CDKL5: variants seen among roughly 807,000 people sequenced by gnomAD.
The protein encoded by CDKL5 is cyclin dependent kinase like 5, also known as cyclin-dependent kinase-like 5.
A neutral mutation model predicts 61.7 loss-of-function variants in CDKL5; 8 were observed. That is an observed-to-expected ratio of 0.13 (90% CI 0.08 to 0.23). The LOEUF is 0.23. CDKL5 is among the 10% of genes least tolerant of loss of function. The pLI is 1.00. For synonymous variants in CDKL5, 275 were observed against 272.3 expected, an observed-to-expected ratio of 1.01 and a Z score of -0.10; for missense variants, 440 against 734.5, an observed-to-expected ratio of 0.60 and a Z score of 4.63.
At chrX:18,599,549 G>T (rs1056117126) in intron 11 of CDKL5, among the ~76,000 whole-genome samples, 1 of 111,883 alleles carries the variant, frequency 8.9e-6, no homozygotes, top group Non-Finnish European at 1.9e-5. Flanking sequence ...GAACTCCCAG[G>T]CTCAAGCCTC....
intron 8 of CDKL5, 87 bp from the exon 9 acceptor site, chrX:18,587,867 C>A: frequency 1.2e-6 from 1 of 852,337 alleles, no homozygotes; most frequent in Non-Finnish European, 1.8e-6. Flanking sequence ...AAGTGTGCTG[C>A]ACATAAATTT....
chrX:18,428,802 ATTCT>A (rs1461844069), intron 1 of CDKL5, among the ~76,000 whole-genome samples: 3 of 109,361 alleles, frequency 2.7e-5, no homozygotes, highest in Admixed American at 9.9e-5. Context: ...AATCTCACAG[ATTCT>A]TTATCATCTG....
intron 1 of CDKL5, among the ~76,000 whole-genome samples, chrX:18,467,972 A>G (rs1920977899): frequency 8.9e-6 from 1 of 111,952 alleles, no homozygotes; most frequent in African/African-American, 3.2e-5. Flanking sequence ...TTAGAAACTA[A>G]TGTTAAGTGA....
chrX:18,632,934 A>G lies in CDKL5; in HGVS notation c.*4177A>G. 1 of 753,624 alleles carries G rather than the reference A, an allele frequency of 1.3e-6. No individual in the cohort carries two copies. The allele number at this position is 753,624 out of a possible 1,213,427, so 62.1% of individuals were successfully genotyped here. ...ATTATTGAGAATGACTCATAGTACA[A>G]CTTTTTTTCAAAGGCCAGAGGATTA... On this transcript the variant is annotated 3_prime_UTR_variant, in exon 18 of 18. Transcript: ENST00000623535.
chrX:18,534,763 T>A (rs149056845), intron 3 of CDKL5, among the ~76,000 whole-genome samples: 198 of 112,312 alleles, frequency 1.8e-3, no homozygotes, highest in Middle Eastern at 4.6e-3. Context: ...ACCTTTAGAT[T>A]TGTCTATTTT....
intron 8 of CDKL5, among the ~76,000 whole-genome samples, chrX:18,584,576 A>C (rs1569214958): frequency 8.9e-6 from 1 of 111,852 alleles, no homozygotes; most frequent in Admixed American, 9.5e-5. Flanking sequence ...GTTCAGCTGG[A>C]TGGTTCTTCT....
At chrX:18,648,275 G>T (rs912108554) in intron 20 of CDKL5, among the ~76,000 whole-genome samples, 1 of 108,791 alleles carries the variant, frequency 9.2e-6, no homozygotes, top group Non-Finnish European at 1.9e-5. Flanking sequence ...ACAGGGTCTC[G>T]CCCTGTCCTA....
At chrX:18,536,283 A>G (rs768758872) in intron 3 of CDKL5, among the ~76,000 whole-genome samples, 62 of 110,879 alleles carry the variant, frequency 5.6e-4, no homozygotes, top group African/African-American at 1.9e-3. Context: ...ACACAAAGAC[A>G]TTAGACTACC....
At chrX:18,606,042 G>A (rs1363826400) in intron 12 of CDKL5, among the ~76,000 whole-genome samples, 2 of 111,439 alleles carry the variant, frequency 1.8e-5, no homozygotes, top group Non-Finnish European at 3.8e-5. Flanking sequence ...TTGGCTGGGC[G>A]TGGTGGCGTG....
chrX:18,652,824 G>T (rs972691661), intron 21 of CDKL5, among the ~76,000 whole-genome samples: 15 of 112,377 alleles, frequency 1.3e-4, no homozygotes, highest in African/African-American at 4.5e-4. Flanking sequence ...GGCTCAAATG[G>T]CTCTTCTGAG....
At chrX:18,481,042 A>G (rs1456749104) in intron 1 of CDKL5, among the ~76,000 whole-genome samples, 1 of 108,196 alleles carries the variant, frequency 9.2e-6, no homozygotes, top group Non-Finnish European at 1.9e-5. Context: ...TATTTTTAAT[A>G]GAGATGGGGT....
chrX:18,447,939 A>G (rs751873658), intron 1 of CDKL5, among the ~76,000 whole-genome samples: 1 of 109,911 alleles, frequency 9.1e-6, no homozygotes, highest in Non-Finnish European at 1.9e-5. Flanking sequence ...CCCTGTAAAA[A>G]CGGGGTTTCT....
intron 3 of CDKL5, among the ~76,000 whole-genome samples, 197 bp from the exon 4 acceptor site, chrX:18,564,280 C>T (rs1289409165): frequency 9.0e-6 from 1 of 110,784 alleles, no homozygotes; most frequent in Non-Finnish European, 1.9e-5. Flanking sequence ...CTTTCCCTTC[C>T]TTGACAATGT....
At chrX:18,648,611 C>T (rs1414780690) in intron 20 of CDKL5, among the ~76,000 whole-genome samples, 1 of 111,683 alleles carries the variant, frequency 9.0e-6, no homozygotes, top group African/African-American at 3.3e-5. Flanking sequence ...GAATAAAGGG[C>T]CTTTCCCAGC....
chrX:18,432,441 C>T (rs773294166), intron 1 of CDKL5, among the ~76,000 whole-genome samples: 1 of 109,176 alleles, frequency 9.2e-6, no homozygotes, highest in South Asian at 4.0e-4. Context: ...AGGATTTCAC[C>T]ATGTTGGCTA....
At chrX:18,647,126 A>G (rs1927806659) in intron 20 of CDKL5, 1 of 1,153,729 alleles carries the variant, frequency 8.7e-7, no homozygotes, top group African/African-American at 1.8e-5. Flanking sequence ...TGTGTTGGCC[A>G]CGCTGGTAGA....
intron 4 of CDKL5, among the ~76,000 whole-genome samples, chrX:18,574,442 C>T (rs1925230094): frequency 9.0e-6 from 1 of 111,381 alleles, no homozygotes; most frequent in Admixed American, 9.6e-5. Flanking sequence ...AACCTGTATC[C>T]TGGTACATAC....
At chrX:18,558,470 G>A (rs1234026644) in intron 3 of CDKL5, among the ~76,000 whole-genome samples, 4 of 111,652 alleles carry the variant, frequency 3.6e-5, no homozygotes, top group African/African-American at 9.8e-5. Context: ...AAAGCTTGGC[G>A]TGTTACTTCC....
chrX:18,626,066 G>GT (rs754432238), intron 17 of CDKL5, among the ~76,000 whole-genome samples: 2,798 of 88,991 alleles, frequency 0.031, 110 homozygotes, highest in African/African-American at 0.09. Flanking sequence ...GCGGACTACT[G>GT]TTTTTTTTTT....
Sources: gnomAD v4.1 joint callset for allele counts (sites outside exome capture counted in the v4.1 genomes callset) on GRCh38, gnomAD v4.1.1 for gene constraint, MANE v1.5 for transcripts, NCBI Gene and HGNC (gene_info 2026-07-23, HGNC 2026-07-21) for gene names.